HDAC9: variants seen among roughly 807,000 people sequenced by gnomAD.
The protein encoded by HDAC9 is histone deacetylase 9, also known as MEF-2 interacting transcription repressor (MITR) protein.
Under a neutral mutation model 139.4 loss-of-function variants are expected in HDAC9, and 41 were observed. The ratio of observed to expected loss-of-function variants is 0.29; its 90% confidence interval spans 0.23 to 0.38. The LOEUF (loss-of-function observed/expected upper bound fraction) is 0.38, where lower values mean the gene tolerates loss of function less well. Ranked by LOEUF, HDAC9 falls within the 10% of genes least tolerant of loss-of-function variation. The probability of loss-of-function intolerance (pLI) is 1.00; values close to 1 mark genes in which losing one functional copy is unlikely to be tolerated. For synonymous variants in HDAC9, 517 were observed against 476.2 expected, an observed-to-expected ratio of 1.09 and a Z score of -1.12; for missense variants, 1,147 against 1,297.0, an observed-to-expected ratio of 0.88 and a Z score of 1.78.
chr7:18,853,815 C>T (rs1017074600), intron 21 of HDAC9, among the ~76,000 whole-genome samples: 2 of 152,054 alleles, frequency 1.3e-5, no homozygotes, highest in African/African-American at 4.8e-5. Flanking sequence ...TTAAATTAGC[C>T]AAATGAATAC....
chr7:18,858,005 C>T (rs1267974776), intron 21 of HDAC9, among the ~76,000 whole-genome samples: 1 of 152,098 alleles, frequency 6.6e-6, no homozygotes, highest in Non-Finnish European at 1.5e-5. Context: ...AATACACATG[C>T]ACAAAAGAAA....
intron 1 of HDAC9, among the ~76,000 whole-genome samples, chr7:18,445,599 A>T (rs891383613): frequency 1.3e-5 from 2 of 152,190 alleles, no homozygotes; most frequent in African/African-American, 4.8e-5. Flanking sequence ...GCCAATTTTA[A>T]TGAAAAGTTA....
upstream of HDAC9, among the ~76,000 whole-genome samples, chr7:18,490,873 G>A (rs1796313775): frequency 1.3e-5 from 2 of 151,556 alleles, no homozygotes; most frequent in South Asian, 4.1e-4. Context: ...GAGTGGAGGA[G>A]CAGCAGTTAT....
intron 15 of HDAC9, among the ~76,000 whole-genome samples, chr7:18,765,981 T>C (rs1468232426): frequency 6.6e-6 from 1 of 152,208 alleles, no homozygotes; most frequent in Non-Finnish European, 1.5e-5. Context: ...GTAATTACAT[T>C]TAAAAAACCA....
chr7:18,930,314 C>T (rs1804623772), intron 22 of HDAC9, among the ~76,000 whole-genome samples: 1 of 152,124 alleles, frequency 6.6e-6, no homozygotes, highest in Non-Finnish European at 1.5e-5. Context: ...TAAAATTTTT[C>T]AACTCTGAAG....
intron 2 of HDAC9, among the ~76,000 whole-genome samples, chr7:18,256,070 CTT>C (rs10563021): frequency 0.4 from 60,831 of 151,814 alleles, 13,880 homozygotes; most frequent in Admixed American, 0.52. Context: ...ATATCTAGGA[CTT>C]TTCTTCTCTC....
chr7:18,501,395 TAAAAAA>T (rs1393789693), intron 2 of HDAC9, among the ~76,000 whole-genome samples: 1 of 151,652 alleles, frequency 6.6e-6, no homozygotes, highest in Admixed American at 6.6e-5. Flanking sequence ...AACACATACT[TAAAAAA>T]AAGATTCAAA....
At chr7:18,637,095 C>T (rs1359971607) in intron 8 of HDAC9, among the ~76,000 whole-genome samples, 1 of 151,970 alleles carries the variant, frequency 6.6e-6, no homozygotes, top group Non-Finnish European at 1.5e-5. Flanking sequence ...CCACTTACAA[C>T]ATGGGAGGAT....
chr7:18,946,885 A>C (rs1175283700), intron 23 of HDAC9, among the ~76,000 whole-genome samples: 1 of 152,072 alleles, frequency 6.6e-6, no homozygotes, highest in African/African-American at 2.4e-5. Flanking sequence ...CATTCTTAAC[A>C]TTTTTAAAAA....
At chr7:18,606,906 C>T (rs1835671584) in intron 6 of HDAC9, among the ~76,000 whole-genome samples, 1 of 152,062 alleles carries the variant, frequency 6.6e-6, no homozygotes, top group African/African-American at 2.4e-5. Context: ...TAGTGGTATA[C>T]AAGGTACTTG....
At chr7:18,447,225 A>C (rs1194325550) in intron 1 of HDAC9, among the ~76,000 whole-genome samples, 3 of 152,210 alleles carry the variant, frequency 2.0e-5, no homozygotes, top group Admixed American at 2.0e-4. Flanking sequence ...AAAATTATTT[A>C]TGATGAAATA....
rs370729702 is a variant in HDAC9, at chr7:18,761,564, C to A, written c.2044-593C>A. Among the ~76,000 whole-genome samples the A allele has an allele frequency of 1.8e-4, 28 of 152,202 alleles. No homozygotes were observed. The East Asian group carries it at 2.5e-3, about 14-fold the overall frequency. ...GCCATAAAAGTTTCTAAATATTGATCTGAATTTCTGTACTGACCTCACTAC... is the reference window on the plus strand; with the variant it reads ...GCCATAAAAGTTTCTAAATATTGATATGAATTTCTGTACTGACCTCACTAC... On this transcript the variant is annotated intron_variant, in intron 14 of 25. Coordinates refer to ENST00000686413, the MANE Select transcript of HDAC9 (RefSeq NM_178425.4).
intron 23 of HDAC9, among the ~76,000 whole-genome samples, chr7:18,953,456 C>A (rs548318306): frequency 6.6e-6 from 1 of 152,070 alleles, no homozygotes; most frequent in Non-Finnish European, 1.5e-5. Context: ...TCTTGCAAAG[C>A]AATGCTTGCT....
At chr7:18,501,663 T>C (rs1214399562) in intron 2 of HDAC9, among the ~76,000 whole-genome samples, 1 of 152,088 alleles carries the variant, frequency 6.6e-6, no homozygotes, top group Non-Finnish European at 1.5e-5. Context: ...GAAGAATTCA[T>C]ATAAAGATAG....
At chr7:18,621,923 G>A (rs1357072625) in intron 6 of HDAC9, among the ~76,000 whole-genome samples, 2 of 152,152 alleles carry the variant, frequency 1.3e-5, no homozygotes, top group African/African-American at 2.4e-5. Context: ...AGTGATTACT[G>A]ATTTGAACAG....
rs376602616 is a variant in HDAC9, at chr7:18,975,857, T to C, written c.3074T>C (p.Leu1025Pro). The change falls in exon 25 of 26, where the codon CTG (leucine) becomes CCG (proline). Residue 1025 changes from leucine (L) to proline (P), a missense_variant. Leu to Pro is a moderately conservative substitution (Grantham distance 98). Around this residue, in one of 7 missense-constraint regions of HDAC9, gnomAD observed 407 missense variants for 521.5 expected, o/e 0.78. Coordinates refer to ENST00000686413, the MANE Select transcript of HDAC9 (RefSeq NM_178425.4). ...GTGGCTGTGCCAAGGGGCTGTGCTC[T>C]GGCTGGTGCTCAGTTGCAAGAGGAG... ...RMVAVPRGCA[L>P]AGAQLQEETE... The C allele has an allele frequency of 9.3e-5, 150 of 1,613,806 alleles. 1 individual carries two copies. Among genetic ancestry groups the C allele is most frequent in the Middle Eastern group, 3.3e-4 (2 of 6,084 alleles).
intron 1 of HDAC9, among the ~76,000 whole-genome samples, chr7:18,413,947 A>G (rs1585726109): frequency 6.6e-6 from 1 of 152,120 alleles, no homozygotes; most frequent in Non-Finnish European, 1.5e-5. Context: ...GCCAGTTATG[A>G]TAAGAGATTT....
intron 1 of HDAC9, among the ~76,000 whole-genome samples, chr7:18,154,390 G>A (rs998012599): frequency 6.6e-6 from 1 of 152,206 alleles, no homozygotes; most frequent in Non-Finnish European, 1.5e-5. Context: ...TAGTTGTGCT[G>A]CAGGACTCTG....
intron 1 of HDAC9, among the ~76,000 whole-genome samples, chr7:18,293,718 A>G (rs1797966461): frequency 6.6e-6 from 1 of 152,090 alleles, no homozygotes; most frequent in South Asian, 2.1e-4. Flanking sequence ...TCAGAGTGCC[A>G]TTTAGCTTGT....
Sources: gnomAD v4.1 joint callset for allele counts (sites outside exome capture counted in the v4.1 genomes callset) on GRCh38, gnomAD v4.1.1 for gene constraint, gnomAD v4.1.1 regional missense constraint, MANE v1.5 for transcripts, NCBI Gene and HGNC (gene_info 2026-07-23, HGNC 2026-07-21) for gene names.